Variants in SHB observed in about 807,000 individuals in gnomAD.
SHB encodes SH2 domain-containing adapter protein B.
SHB carries 20 observed loss-of-function variants against 52.3 expected under a neutral mutation model. That is an observed-to-expected ratio of 0.38 (90% CI 0.27 to 0.56). The LOEUF (loss-of-function observed/expected upper bound fraction) is 0.56. SHB is among the 20% of genes least tolerant of loss of function. The pLI, the probability that SHB is intolerant of heterozygous loss-of-function variation, is 0.71. For missense variants in SHB, 825 were observed against 723.3 expected, an observed-to-expected ratio of 1.14 and a Z score of -1.61; for synonymous variants, 397 against 316.5, an observed-to-expected ratio of 1.25 and a Z score of -2.70.
At chr9:37,938,218 A>G (rs1318397538) in intron 5 of SHB, among the ~76,000 whole-genome samples, 1 of 152,190 alleles carries the variant, frequency 6.6e-6, no homozygotes, top group Non-Finnish European at 1.5e-5. Context: ...CAGGGCTCAG[A>G]GGCTGAGACG....
At chr9:37,956,274 G>A (rs7044060) in intron 3 of SHB, among the ~76,000 whole-genome samples, 87,390 of 151,938 alleles carry the variant, frequency 0.58, 25,380 homozygotes, top group East Asian at 0.82. Context: ...GGCTGGCTGA[G>A]CCTCCAGAGG....
intron 1 of SHB, among the ~76,000 whole-genome samples, chr9:38,045,773 T>C (rs1192905464): frequency 6.6e-6 from 1 of 152,214 alleles, no homozygotes; most frequent in East Asian, 1.9e-4. Context: ...CATGAGAACG[T>C]GGGCAACTTC....
At chr9:38,004,809 C>T (rs998334804) in intron 2 of SHB, among the ~76,000 whole-genome samples, 3 of 152,224 alleles carry the variant, frequency 2.0e-5, no homozygotes, top group Admixed American at 2.0e-4. Context: ...CGGCCACAGG[C>T]CAGCAAGTGA....
chr9:37,960,151 T>A (rs956723054), intron 3 of SHB, among the ~76,000 whole-genome samples: 54 of 152,184 alleles, frequency 3.5e-4, no homozygotes, highest in African/African-American at 1.1e-3. Context: ...CAGGCTTAAT[T>A]AGGCAAATCA....
At chr9:38,039,927 T>C (rs1821551852) in intron 1 of SHB, among the ~76,000 whole-genome samples, 1 of 152,240 alleles carries the variant, frequency 6.6e-6, no homozygotes, top group Non-Finnish European at 1.5e-5. Flanking sequence ...CATGAATCCC[T>C]AGGCCCCAGT....
Position 38,023,543 on chromosome 9 carries a change from T to A in SHB, c.718-7412A>T, listed in dbSNP as rs1172029928. On this transcript the variant is annotated intron_variant, in intron 1 of 5. Coordinates refer to ENST00000377707, the MANE Select transcript of SHB (RefSeq NM_003028.3). The stretch of plus-strand genomic sequence containing the variant: ...TGGTAGGGAAGACAGGACAAAGACG[T>A]GAAAAGAAACCCCCGCCAAGGCCCC... 3.3e-5 allele frequency among the ~76,000 whole-genome samples: 5 copies of A among 152,140 alleles called. No individual in the cohort carries two copies. The South Asian group carries it at 1.0e-3, about 32-fold the overall frequency.
At chr9:38,059,227 T>C (rs115987113) in intron 1 of SHB, among the ~76,000 whole-genome samples, 1,839 of 151,644 alleles carry the variant, frequency 0.012, 37 homozygotes, top group African/African-American at 0.042. Flanking sequence ...GGCCAGGGAA[T>C]TCGCTTCCCC....
intron 2 of SHB, among the ~76,000 whole-genome samples, chr9:37,983,873 C>A (rs1293113542): frequency 6.6e-6 from 1 of 152,200 alleles, no homozygotes; most frequent in East Asian, 1.9e-4. Flanking sequence ...CGGGGCTGCC[C>A]CTCGCCAACC....
chr9:37,957,071 T>C (rs1445283978), intron 3 of SHB, among the ~76,000 whole-genome samples: 2 of 152,212 alleles, frequency 1.3e-5, no homozygotes, highest in Non-Finnish European at 2.9e-5. Context: ...TGAACCTCTT[T>C]GAGTCCCCAG....
chr9:37,961,876 T>G (rs1212511525), intron 3 of SHB, among the ~76,000 whole-genome samples: 2 of 152,312 alleles, frequency 1.3e-5, no homozygotes, highest in African/African-American at 4.8e-5. Context: ...TTGGACACTT[T>G]GCAGAGATGG....
intron 1 of SHB, among the ~76,000 whole-genome samples, chr9:38,060,250 C>G (rs1821875785): frequency 6.6e-6 from 1 of 152,162 alleles, no homozygotes; most frequent in African/African-American, 2.4e-5. Context: ...TCTCGGCTCA[C>G]TACAACCTCT....
intron 5 of SHB, among the ~76,000 whole-genome samples, chr9:37,923,536 G>T (rs1832208901): frequency 6.6e-6 from 1 of 152,220 alleles, no homozygotes; most frequent in Non-Finnish European, 1.5e-5. Context: ...ACAGCCAGGA[G>T]ACATGCTGTG....
At chr9:38,054,322 C>T (rs942752361) in intron 1 of SHB, among the ~76,000 whole-genome samples, 14 of 152,246 alleles carry the variant, frequency 9.2e-5, no homozygotes, top group South Asian at 2.1e-4. Flanking sequence ...ACACTGCTTT[C>T]AGCCACGCAA....
At chr9:38,012,441 A>G (rs1031304335) in intron 2 of SHB, among the ~76,000 whole-genome samples, 5 of 152,134 alleles carry the variant, frequency 3.3e-5, no homozygotes, top group African/African-American at 1.2e-4. Context: ...CCCAGTTAAG[A>G]ACTGACATCA....
At chr9:37,945,667 G>C (rs569939821) in intron 5 of SHB, among the ~76,000 whole-genome samples, 19 of 152,222 alleles carry the variant, frequency 1.2e-4, no homozygotes, top group Non-Finnish European at 2.6e-4. Flanking sequence ...TGATAATGAG[G>C]TCCATGGGAT....
intron 5 of SHB, among the ~76,000 whole-genome samples, chr9:37,925,833 C>T (rs1832244547): frequency 6.6e-6 from 1 of 152,202 alleles, no homozygotes; most frequent in African/African-American, 2.4e-5. Flanking sequence ...GAAGGAGAGA[C>T]AGAATGAGCT....
chr9:38,024,323 C>T (rs1322969558), intron 1 of SHB, among the ~76,000 whole-genome samples: 2 of 152,254 alleles, frequency 1.3e-5, no homozygotes, highest in African/African-American at 4.8e-5. Context: ...GTCCTAAATG[C>T]TCCTTTACAG....
chr9:37,919,973 C>T lies in SHB; in HGVS notation c.1378G>A (p.Ala460Thr), dbSNP rs868821743. ...SNQGFMHMKLAKTKEKYVLGQ... is the reference protein window; with the variant it reads ...SNQGFMHMKLTKTKEKYVLGQ... ...AGAACGTATTTCTCTTTGGTTTTGG[C>T]CAGTTTCATGTGCATAAAACCCTGG... is the stretch of plus-strand genomic sequence containing the variant. Residue 460 changes from alanine (A) to threonine (T), a missense_variant, in exon 6 of 6, where the codon GCC (alanine) becomes ACC (threonine). Transcript: ENST00000377707. 5 of 1,613,964 alleles carry T rather than the reference C, an allele frequency of 3.1e-6. No individual in the cohort carries two copies. The highest frequency in any genetic ancestry group is 4.2e-6 in the Non-Finnish European group (5 of 1,179,960).
At chr9:38,039,521 C>T (rs996330339) in intron 1 of SHB, among the ~76,000 whole-genome samples, 4 of 152,246 alleles carry the variant, frequency 2.6e-5, no homozygotes, top group Non-Finnish European at 5.9e-5. Flanking sequence ...TGAATGGATT[C>T]CAAGATTCTG....
Sources: gnomAD v4.1 joint callset for allele counts (sites outside exome capture counted in the v4.1 genomes callset) on GRCh38, gnomAD v4.1.1 for gene constraint, MANE v1.5 for transcripts, NCBI Gene and HGNC (gene_info 2026-07-23, HGNC 2026-07-21) for gene names.